Variants in SHTN1 observed in about 807,000 individuals in gnomAD.
SHTN1 encodes shootin-1.
In SHTN1, 42 loss-of-function variants were observed where a neutral mutation model predicts 83.1. That is an observed-to-expected ratio of 0.51 (90% CI 0.39 to 0.65). SHTN1 has a LOEUF of 0.65. SHTN1 is among the 30% of genes least tolerant of loss of function. The pLI, the probability that SHTN1 is intolerant of heterozygous loss-of-function variation, is 0.00. For missense variants in SHTN1, 622 were observed against 737.8 expected (o/e 0.84, Z 1.82); for synonymous variants, 224 against 247.7 (o/e 0.90, Z 0.90).
At chr10:116,893,629 G>T (rs537756176) in intron 16 of SHTN1, among the ~76,000 whole-genome samples, 2 of 61,620 alleles carry the variant, frequency 3.2e-5, no homozygotes, top group Non-Finnish European at 7.1e-5. Context: ...GAGGTTATGA[G>T]GAAATGGTGG....
At chr10:116,948,097 T>C (rs964454566) in intron 7 of SHTN1, among the ~76,000 whole-genome samples, 6 of 152,132 alleles carry the variant, frequency 3.9e-5, no homozygotes, top group Admixed American at 3.3e-4. Flanking sequence ...GAACAGAAAG[T>C]ATATTAAGTT....
chr10:117,120,146 T>G (rs550227827), intron 1 of SHTN1, among the ~76,000 whole-genome samples: 2 of 151,676 alleles, frequency 1.3e-5, no homozygotes, highest in East Asian at 3.9e-4. Flanking sequence ...TAGTAAATAA[T>G]AAATTGTACA....
intron 1 of SHTN1, chr10:117,048,562 TGC>T: frequency 1.4e-5 from 10 of 709,274 alleles, no homozygotes; most frequent in South Asian, 6.4e-5. Flanking sequence ...GTAATTACAG[TGC>T]AATTAAGCAT....
At chr10:116,963,916 C>T (rs1326545099) in intron 3 of SHTN1, among the ~76,000 whole-genome samples, 1 of 150,942 alleles carries the variant, frequency 6.6e-6, no homozygotes, top group Non-Finnish European at 1.5e-5. Context: ...TCAACTATGA[C>T]TTCAAAGCAG....
chr10:116,943,036 C>G (rs575020876), intron 8 of SHTN1, among the ~76,000 whole-genome samples: 2 of 152,308 alleles, frequency 1.3e-5, no homozygotes, highest in East Asian at 3.9e-4. Flanking sequence ...AAGTTTTCTT[C>G]TCACTATTGT....
intron 4 of SHTN1, among the ~76,000 whole-genome samples, chr10:116,956,088 G>T (rs527692159): frequency 6.6e-6 from 1 of 152,322 alleles, no homozygotes; most frequent in East Asian, 1.9e-4. Flanking sequence ...AGGAAAAAGT[G>T]AAGACATTTA....
intron 2 of SHTN1, among the ~76,000 whole-genome samples, chr10:117,035,896 G>A (rs1469132197): frequency 1.2e-4 from 16 of 133,770 alleles, no homozygotes; most frequent in African/African-American, 2.5e-4. Context: ...CTGGTGAGCC[G>A]AGATTGCACC....
At chr10:117,078,148 A>T (rs1853189375) in intron 1 of SHTN1, among the ~76,000 whole-genome samples, 1 of 152,190 alleles carries the variant, frequency 6.6e-6, no homozygotes, top group African/African-American at 2.4e-5. Context: ...CAGAGCTTTC[A>T]ATGGACATTT....
At chr10:116,957,781 T>TG (rs1420163900) in intron 4 of SHTN1, among the ~76,000 whole-genome samples, 1 of 151,886 alleles carries the variant, frequency 6.6e-6, no homozygotes, top group Non-Finnish European at 1.5e-5. Context: ...TATGAGGAAC[T>TG]GGGCGCAGTG....
At chr10:117,016,014 C>T (rs1852175743) in intron 2 of SHTN1, among the ~76,000 whole-genome samples, 1 of 152,158 alleles carries the variant, frequency 6.6e-6, no homozygotes, top group African/African-American at 2.4e-5. Context: ...TTTGCATTCA[C>T]TGCTTAGCAT....
chr10:117,055,985 C>T (rs751961771), intron 1 of SHTN1, among the ~76,000 whole-genome samples: 2 of 152,016 alleles, frequency 1.3e-5, no homozygotes, highest in Non-Finnish European at 2.9e-5. Context: ...GAAAATGGAC[C>T]GATTCCTCAA....
intron 1 of SHTN1, among the ~76,000 whole-genome samples, chr10:116,982,286 A>G (rs1413348201): frequency 6.6e-6 from 1 of 152,230 alleles, no homozygotes; most frequent in African/African-American, 2.4e-5. Flanking sequence ...TGAAAATCAC[A>G]GAAAACATGC....
chr10:116,948,533 T>C (rs1375138476), intron 7 of SHTN1, among the ~76,000 whole-genome samples: 2 of 152,174 alleles, frequency 1.3e-5, no homozygotes, highest in Non-Finnish European at 2.9e-5. Context: ...TTTCATCACA[T>C]AATGTTACAT....
chr10:116,940,442 A>C, intron 9 of SHTN1, 24 bp downstream of exon 9: 1 of 1,612,032 alleles, frequency 6.2e-7, no homozygotes. Context: ...TGTGTACCTA[A>C]GATTCCAGAA....
chr10:117,125,516 G>A (rs978207060), intron 1 of SHTN1, among the ~76,000 whole-genome samples: 2 of 151,884 alleles, frequency 1.3e-5, no homozygotes, highest in Admixed American at 6.5e-5. Flanking sequence ...TCCTCCCATC[G>A]TTACCCTGCC....
At position 117,088,873 on chromosome 10, in the gene SHTN1, G is replaced by A. The variant is rs554512478; in HGVS notation, c.-189+37434C>T. ...ATTTCCTAGACCACACACACATCAG[G>A]GGTCTTGTCTGGGGCACTTTCAGTG... is the stretch of plus-strand genomic sequence containing the variant. On this transcript the variant is annotated intron_variant, in intron 1 of 17. Coordinates refer to the SHTN1 transcript ENST00000392901. 9.9e-4 allele frequency among the ~76,000 whole-genome samples: 150 copies of A among 152,252 alleles called. 1 individual carries two copies. The highest frequency in any genetic ancestry group is 9.8e-3 in the South Asian group (47 of 4,816).
chr10:117,077,437 G>C (rs1663977963), intron 1 of SHTN1, among the ~76,000 whole-genome samples: 1 of 152,094 alleles, frequency 6.6e-6, no homozygotes, highest in African/African-American at 2.4e-5. Context: ...ATAGATATTG[G>C]GAGCAATCAC....
chr10:117,035,947 CA>C (rs35033048), intron 2 of SHTN1, among the ~76,000 whole-genome samples: 84 of 72,194 alleles, frequency 1.2e-3, no homozygotes, highest in African/African-American at 4.1e-3. Flanking sequence ...AACTCCATCT[CA>C]AAAAAAAAAA....
chr10:116,991,135 G>C (rs555190270), intron 1 of SHTN1, among the ~76,000 whole-genome samples: 1 of 151,948 alleles, frequency 6.6e-6, no homozygotes, highest in Non-Finnish European at 1.5e-5. Flanking sequence ...GCAGTGAGCC[G>C]AGATTATGCC....
Sources: gnomAD v4.1 joint callset for allele counts (sites outside exome capture counted in the v4.1 genomes callset) on GRCh38, gnomAD v4.1.1 for gene constraint, MANE v1.5 for transcripts, NCBI Gene and HGNC (gene_info 2026-07-23, HGNC 2026-07-21) for gene names.